Variants in SLC10A7 observed in about 807,000 individuals in gnomAD.
SLC10A7 encodes solute carrier family 10 member 7.
SLC10A7 carries 29 observed loss-of-function variants against 43.2 expected under a neutral mutation model. The observed-to-expected ratio is 0.67, with a 90% CI of 0.50 to 0.92. The LOEUF is 0.92. Ranked by LOEUF, SLC10A7 falls within the 40% of genes least tolerant of loss-of-function variation. The pLI is 0.00. For missense variants in SLC10A7, 295 were observed against 403.2 expected, an observed-to-expected ratio of 0.73 and a Z score of 2.30; for synonymous variants, 152 against 144.8, an observed-to-expected ratio of 1.05 and a Z score of -0.35.
chr4:146,502,295 G>T (rs927938180), intron 4 of SLC10A7, among the ~76,000 whole-genome samples: 2 of 152,140 alleles, frequency 1.3e-5, no homozygotes, highest in African/African-American at 4.8e-5. Flanking sequence ...ACTCTCATTC[G>T]CTACTGGTTG....
intron 2 of SLC10A7, chr4:146,514,293 C>G (rs1293202127): frequency 6.6e-6 from 1 of 152,240 alleles, no homozygotes; most frequent in African/African-American, 2.4e-5. Context: ...CTCCTGCTCA[C>G]CTTTGTTTCT....
intron 5 of SLC10A7, among the ~76,000 whole-genome samples, chr4:146,431,753 A>C (rs1467757878): frequency 6.6e-6 from 1 of 152,180 alleles, no homozygotes; most frequent in African/African-American, 2.4e-5. Context: ...TATAGGATAC[A>C]AAAAGCCTGA....
intron 10 of SLC10A7, among the ~76,000 whole-genome samples, chr4:146,260,424 G>A (rs527669321): frequency 4.6e-4 from 70 of 152,130 alleles, no homozygotes; most frequent in Non-Finnish European, 8.7e-4. Flanking sequence ...ATGATATTTT[G>A]TCCCTAAAAA....
chr4:146,310,778 C>A (rs1043999754), intron 6 of SLC10A7, among the ~76,000 whole-genome samples: 3 of 152,010 alleles, frequency 2.0e-5, no homozygotes, highest in African/African-American at 7.2e-5. Flanking sequence ...GTCACCATAG[C>A]TAGAAATTGA....
At chr4:146,272,165 T>C (rs1728938029) in intron 10 of SLC10A7, among the ~76,000 whole-genome samples, 1 of 152,152 alleles carries the variant, frequency 6.6e-6, no homozygotes, top group African/African-American at 2.4e-5. Context: ...GAATGGATGA[T>C]GTAGATTATG....
At chr4:146,324,641 T>C (rs1732979483) in intron 6 of SLC10A7, among the ~76,000 whole-genome samples, 1 of 152,184 alleles carries the variant, frequency 6.6e-6, no homozygotes, top group African/African-American at 2.4e-5. Context: ...GCCTGCATCC[T>C]GTGCCCACCA....
intron 5 of SLC10A7, among the ~76,000 whole-genome samples, chr4:146,356,036 T>TAA (rs1346372517): frequency 2.3e-5 from 1 of 44,070 alleles, no homozygotes; most frequent in East Asian, 1.1e-3. Flanking sequence ...ACTTAAAGTA[T>TAA]AATAAAAAAA....
rs571341705 is a variant in SLC10A7 at position 146,467,645 on chromosome 4, C to G, written c.397-24824G>C. On this transcript the variant is annotated intron_variant, in intron 4 of 11. Transcript: ENST00000335472. ...TGGCACAGTCTCAGCATACTGCAAT[C>G]TCTGCCTCCCAGGTTCAAGTGATTC... Among the ~76,000 whole-genome samples the G allele has an allele frequency of 6.1e-5, 8 of 130,866 alleles. No individual in the cohort carries two copies. The East Asian group carries it at 1.8e-3, about 30-fold the overall frequency. 85.9% of individuals were successfully genotyped at this position (130,866 alleles called of 152,430 possible).
chr4:146,334,535 C>T (rs147323605), intron 5 of SLC10A7, among the ~76,000 whole-genome samples: 14 of 152,012 alleles, frequency 9.2e-5, no homozygotes, highest in South Asian at 6.2e-4. Context: ...AAATGGAGTT[C>T]GTTGTTTTTG....
chr4:146,474,506 T>C (rs1560944360), intron 4 of SLC10A7, among the ~76,000 whole-genome samples: 1 of 152,110 alleles, frequency 6.6e-6, no homozygotes, highest in South Asian at 2.1e-4. Context: ...GAGGTACATT[T>C]CCACTCTAGG....
At chr4:146,387,809 A>G (rs1166510740) in intron 5 of SLC10A7, among the ~76,000 whole-genome samples, 1 of 152,144 alleles carries the variant, frequency 6.6e-6, no homozygotes, top group Non-Finnish European at 1.5e-5. Context: ...AACCAAATAA[A>G]TAACTCAGTC....
At position 146,455,645 on chromosome 4, in the gene SLC10A7, T is replaced by TA. The variant is rs1312471610; in HGVS notation, c.397-12825dup. Among the ~76,000 whole-genome samples the TA allele has an allele frequency of 5.9e-5, 9 of 151,966 alleles. No individual in the cohort carries two copies. The East Asian group carries it at 1.4e-3, about 23-fold the overall frequency. On this transcript the variant is annotated intron_variant, in intron 4 of 11. Coordinates refer to ENST00000335472, the MANE Select transcript of SLC10A7 (RefSeq NM_001029998.6). The stretch of plus-strand genomic sequence containing the variant: ...TCCTACCATCTTCTGGGAAATAACT[T>TA]ACCATAGATTCACAGAACTGCAATG...
chr4:146,264,714 C>T (rs1225156650), intron 10 of SLC10A7, among the ~76,000 whole-genome samples: 2 of 152,180 alleles, frequency 1.3e-5, no homozygotes, highest in Admixed American at 6.5e-5. Context: ...CTGTCACTAG[C>T]TTACCTACTT....
At chr4:146,445,569 T>A (rs1007812962) in intron 4 of SLC10A7, among the ~76,000 whole-genome samples, 2 of 152,178 alleles carry the variant, frequency 1.3e-5, no homozygotes, top group Non-Finnish European at 2.9e-5. Context: ...CGTCCGTGGA[T>A]GGCTAGGTGT....
At chr4:146,487,107 T>C (rs1441873914) in intron 4 of SLC10A7, among the ~76,000 whole-genome samples, 4 of 152,168 alleles carry the variant, frequency 2.6e-5, no homozygotes, top group African/African-American at 2.4e-5. Context: ...ACTAGACCCA[T>C]TCTCTTGTAT....
intron 10 of SLC10A7, among the ~76,000 whole-genome samples, chr4:146,270,011 A>T (rs1160384470): frequency 6.6e-6 from 1 of 152,138 alleles, no homozygotes; most frequent in Non-Finnish European, 1.5e-5. Context: ...TTTATGTTGA[A>T]CAAAAGCCTC....
At chr4:146,378,190 C>T (rs1250636753) in intron 5 of SLC10A7, among the ~76,000 whole-genome samples, 1 of 152,226 alleles carries the variant, frequency 6.6e-6, no homozygotes, top group African/African-American at 2.4e-5. Context: ...TGCTACTTTG[C>T]TTCTAAGTGT....
intron 4 of SLC10A7, among the ~76,000 whole-genome samples, chr4:146,477,389 C>A (rs559537742): frequency 1.3e-5 from 2 of 152,270 alleles, no homozygotes; most frequent in East Asian, 3.9e-4. Flanking sequence ...CAACCAAAAT[C>A]TTTTGTTTTC....
intron 5 of SLC10A7, among the ~76,000 whole-genome samples, chr4:146,327,491 G>A (rs182992555): frequency 1.2e-4 from 18 of 152,250 alleles, no homozygotes; most frequent in Non-Finnish European, 1.9e-4. Context: ...TCAGACTTTA[G>A]GAGGAATTCC....
Sources: allele counts gnomAD v4.1 joint callset (sites outside exome capture counted in the v4.1 genomes callset), GRCh38; gene constraint gnomAD v4.1.1; transcripts MANE v1.5; gene names NCBI Gene and HGNC (gene_info 2026-07-23, HGNC 2026-07-21).